The following TDRKH variants were observed in gnomAD, a reference collection of about 807,000 sequenced individuals.
The protein encoded by TDRKH is tudor and KH domain-containing protein.
A neutral mutation model predicts 61.3 loss-of-function variants in TDRKH; 28 were observed. The observed-to-expected ratio is 0.46, with a 90% CI of 0.34 to 0.63. The LOEUF (loss-of-function observed/expected upper bound fraction) is 0.63. Ranked by LOEUF, TDRKH falls within the 20% of genes least tolerant of loss-of-function variation. The pLI is 0.01. For synonymous variants in TDRKH, 219 were observed against 244.4 expected, an observed-to-expected ratio of 0.90 and a Z score of 0.97; for missense variants, 540 against 683.4, an observed-to-expected ratio of 0.79 and a Z score of 2.34.
chr1:151,771,365 T>G, downstream of TDRKH: 4 of 1,455,198 alleles, frequency 2.7e-6, no homozygotes, highest in East Asian at 2.5e-5. Flanking sequence ...GGGTGGGTAA[T>G]AGGGTTGACT....
In TDRKH at chr1:151,779,245, A is replaced by G. The variant is rs1254950539; in HGVS notation, c.422-3T>C. 1.9e-6 allele frequency: 3 copies of G among 1,613,146 alleles called. No homozygotes were observed. Among genetic ancestry groups the G allele is most frequent in the Admixed American group, 1.7e-5 (1 of 59,740 alleles). On this transcript the variant is annotated splice_region_variant and splice_polypyrimidine_tract_variant and intron_variant, in intron 4 of 12. Coordinates refer to ENST00000368824, the MANE Select transcript of TDRKH (RefSeq NM_001083965.2). ...ACGAATTGTCTCGCCGCCTCTCCCTACATTAAACAATATATAAAAACCTGC... is the reference window on the plus strand; with the variant it reads ...ACGAATTGTCTCGCCGCCTCTCCCTGCATTAAACAATATATAAAAACCTGC...
At position 151,779,022 on chromosome 1, in the gene TDRKH, G is replaced by C. The variant is rs759984943; in HGVS notation, c.562-16C>G. 1.1e-5 allele frequency: 17 copies of C among 1,612,446 alleles called. No homozygotes were observed. In the East Asian group the frequency reaches 3.8e-4, roughly 36 times the overall value. On this transcript the variant is annotated splice_polypyrimidine_tract_variant and intron_variant, in intron 5 of 12. Coordinates refer to ENST00000368824, the MANE Select transcript of TDRKH (RefSeq NM_001083965.2). Reference sequence around the variant, plus strand: ...GTATCAAATGCTGTGGAAAACAAGAGAAAGGATGATATTCTGACCTGGGAT... The same window carrying C: ...GTATCAAATGCTGTGGAAAACAAGACAAAGGATGATATTCTGACCTGGGAT...
At chr1:151,777,015 G>T (rs1325458352) in intron 6 of TDRKH, among the ~76,000 whole-genome samples, 4 of 152,158 alleles carry the variant, frequency 2.6e-5, no homozygotes, top group Non-Finnish European at 5.9e-5. Context: ...AGCTTCTTGG[G>T]AATCCAGGTC....
intron 1 of TDRKH, among the ~76,000 whole-genome samples, chr1:151,787,616 T>C (rs758398167): frequency 4.6e-5 from 7 of 151,824 alleles, no homozygotes; most frequent in African/African-American, 9.7e-5. Flanking sequence ...GCTGAGCACG[T>C]TGGGGACAGA....
downstream of TDRKH, chr1:151,771,236 G>A (rs1648688871): frequency 1.9e-6 from 3 of 1,608,878 alleles, no homozygotes; most frequent in African/African-American, 2.7e-5. Flanking sequence ...TTATTCCAAC[G>A]CTTTGAGGGG....
chr1:151,776,385 A>G (rs943587210), intron 7 of TDRKH, 54 bp downstream of exon 7: 67 of 1,604,294 alleles, frequency 4.2e-5, no homozygotes, highest in African/African-American at 1.3e-5. Flanking sequence ...AGTACAATGA[A>G]AAAGATATGC....
chr1:151,775,548 C>A lies in TDRKH; in HGVS notation c.1283-5G>T, dbSNP rs200460632. 1 of 1,611,488 alleles carries A rather than the reference C, an allele frequency of 6.2e-7. No homozygotes were observed. Among genetic ancestry groups the A allele is most frequent in the Non-Finnish European group, 8.5e-7 (1 of 1,178,930 alleles). On this transcript the variant is annotated splice_region_variant and splice_polypyrimidine_tract_variant and intron_variant, in intron 9 of 12. Transcript: ENST00000368824. ...CTTCCTCTTCCCACTGGTCACCTGG[C>A]AAAAGATTGTAGGGGTTACTGCTGA...
chr1:151,768,640 G>T (rs1309522816), downstream of TDRKH, among the ~76,000 whole-genome samples: 1 of 152,198 alleles, frequency 6.6e-6, no homozygotes, highest in Non-Finnish European at 1.5e-5. Flanking sequence ...CCAAGTAGGT[G>T]TCTTTCTGGA....
downstream of TDRKH, chr1:151,768,105 C>A (rs914635230): frequency 2.5e-6 from 4 of 1,613,878 alleles, no homozygotes; most frequent in Non-Finnish European, 2.5e-6. Flanking sequence ...TCCACCAGGA[C>A]CCAGTACAGT....
At chr1:151,789,319 A>C (rs755313105) in intron 1 of TDRKH, among the ~76,000 whole-genome samples, 1 of 152,244 alleles carries the variant, frequency 6.6e-6, no homozygotes, top group Non-Finnish European at 1.5e-5. Context: ...GGTTTTGTTC[A>C]CAATTTTCAT....
rs1233073738 is a variant in TDRKH at position 151,776,460 on chromosome 1, G to A, written c.1023C>T (p.Thr341=). 6.2e-7 allele frequency: 1 copy of A among 1,614,206 alleles called. No homozygotes were observed. The highest frequency in any genetic ancestry group is 1.1e-5 in the South Asian group (1 of 91,076). Residue 341 remains threonine, a synonymous_variant, in exon 7 of 13, where the codon ACC becomes ACT. Coordinates refer to ENST00000368824, the MANE Select transcript of TDRKH (RefSeq NM_001083965.2). ...TCACCACACTATTCTCATAGTGCTGGGTCATCTCATTGACAAGCTTATCCA... is the reference window on the plus strand; with the variant it reads ...TCACCACACTATTCTCATAGTGCTGAGTCATCTCATTGACAAGCTTATCCA... ...LQLDKLVNEM[T]QHYENSVPED...
chr1:151,782,871 C>T, intron 2 of TDRKH, 28 bp downstream of exon 2: 2 of 1,528,946 alleles, frequency 1.3e-6, no homozygotes, highest in Non-Finnish European at 1.8e-6. Context: ...TGAACATTTT[C>T]ACACACACAG....
chr1:151,789,548 G>C (rs1386381048), intron 1 of TDRKH, among the ~76,000 whole-genome samples: 1 of 152,178 alleles, frequency 6.6e-6, no homozygotes, highest in African/African-American at 2.4e-5. Context: ...GTTAGATAAT[G>C]GTTTTCAGTG....
At chr1:151,779,675 C>A in intron 4 of TDRKH, 1 of 394,100 alleles carries the variant, frequency 2.5e-6, no homozygotes, top group African/African-American at 2.0e-5. Context: ...ATGAGCATCC[C>A]AAGCTTCCCT....
downstream of TDRKH, chr1:151,772,000 T>C: frequency 2.5e-6 from 1 of 398,570 alleles, no homozygotes; most frequent in Admixed American, 4.4e-5. Flanking sequence ...AAACATCAAA[T>C]AAATGGAAGC....
rs774627976 is a variant in TDRKH, at chr1:151,779,158, A to G, written c.506T>C (p.Leu169Pro). Residue 169 changes from leucine to proline, a missense_variant, in exon 5 of 13, where the codon CTA becomes CCA. Physicochemically the swap from Leu to Pro is moderately conservative, Grantham distance 98. This residue lies in a region of TDRKH where 156 missense variants were observed against 218.0 expected (regional missense o/e 0.72). Transcript: ENST00000368824. ...TGAGATTTTTATAAGTCTTGATAGT[A>G]GTAATGTCCCTTCTGATTCTTTGTC... ...TCDKESEGTL[L>P]LSRLIKISGT... is the part of the protein sequence containing the mutation. The G allele has an allele frequency of 1.2e-6, 2 of 1,614,190 alleles. No homozygotes were observed. The highest frequency in any genetic ancestry group is 2.2e-5 in the East Asian group (1 of 44,886).
downstream of TDRKH, chr1:151,770,957 C>A: frequency 7.1e-7 from 1 of 1,399,772 alleles, no homozygotes; most frequent in Non-Finnish European, 9.4e-7. Flanking sequence ...AAAGCACATC[C>A]TATATGCCTG....
At chr1:151,768,090 C>T (rs1282316022), downstream of TDRKH, 8 of 1,613,996 alleles carry the variant, frequency 5.0e-6, no homozygotes, top group Non-Finnish European at 5.9e-6. Flanking sequence ...CTACTGACCC[C>T]CTGCTCCACC....
chr1:151,770,747 A>G (rs1397826620), downstream of TDRKH, among the ~76,000 whole-genome samples: 1 of 152,224 alleles, frequency 6.6e-6, no homozygotes, highest in Non-Finnish European at 1.5e-5. Flanking sequence ...CTATGTCATC[A>G]TTGTATTAGT....
Sources: allele counts gnomAD v4.1 joint callset (sites outside exome capture counted in the v4.1 genomes callset), GRCh38; gene constraint gnomAD v4.1.1; regional missense constraint gnomAD v4.1.1; transcripts MANE v1.5; gene names NCBI Gene and HGNC (gene_info 2026-07-23, HGNC 2026-07-21).